HIVEP3: variants seen among roughly 807,000 people sequenced by gnomAD.
The protein encoded by HIVEP3 is transcription factor HIVEP3.
Under a neutral mutation model 152.8 loss-of-function variants are expected in HIVEP3, and 49 were observed. The observed-to-expected ratio is 0.32, with a 90% CI of 0.26 to 0.41. The LOEUF (loss-of-function observed/expected upper bound fraction) is 0.41. Ranked by LOEUF, HIVEP3 falls within the 10% of genes least tolerant of loss-of-function variation. The probability of loss-of-function intolerance (pLI) is 1.00; values close to 1 mark genes in which losing one functional copy is unlikely to be tolerated. For missense variants in HIVEP3, 2,790 were observed against 3,103.3 expected (o/e 0.90, Z 2.40); for synonymous variants, 1,269 against 1,289.0 (o/e 0.98, Z 0.33).
chr1:41,940,731 A>G (rs1434421384), intron 1 of HIVEP3, among the ~76,000 whole-genome samples: 2 of 152,176 alleles, frequency 1.3e-5, no homozygotes, highest in Non-Finnish European at 2.9e-5. Flanking sequence ...CCTCTAAAGA[A>G]AAAAATTGAG....
At chr1:41,613,865 T>A (rs1395296130) in intron 3 of HIVEP3, among the ~76,000 whole-genome samples, 1 of 152,234 alleles carries the variant, frequency 6.6e-6, no homozygotes, top group Non-Finnish European at 1.5e-5. Context: ...TTTCCATCTC[T>A]ATAAATTTGC....
At chr1:41,954,362 G>T (rs1052297345) in intron 1 of HIVEP3, among the ~76,000 whole-genome samples, 3 of 152,226 alleles carry the variant, frequency 2.0e-5, no homozygotes, top group Non-Finnish European at 4.4e-5. Context: ...TTGTTTTGCT[G>T]ATTAGGGAGG....
chr1:41,780,956 C>T (rs1274406311), intron 1 of HIVEP3, among the ~76,000 whole-genome samples: 4 of 152,162 alleles, frequency 2.6e-5, no homozygotes, highest in Non-Finnish European at 4.4e-5. Flanking sequence ...GCAGGAGTAA[C>T]AAAAACAGAG....
intron 1 of HIVEP3, among the ~76,000 whole-genome samples, chr1:41,924,587 A>G (rs535010877): frequency 6.6e-6 from 1 of 152,128 alleles, no homozygotes; most frequent in Non-Finnish European, 1.5e-5. Context: ...GGCAAGTTAT[A>G]TAACCTCCTA....
Position 41,584,012 on chromosome 1 carries a change from C to G in HIVEP3, c.786G>C (p.Gly262=). The G allele has an allele frequency of 6.2e-7, 1 of 1,614,178 alleles. No individual in the cohort carries two copies. The highest frequency in any genetic ancestry group is 8.5e-7 in the Non-Finnish European group (1 of 1,180,024). Residue 262 remains glycine (G), a synonymous_variant, in exon 4 of 9, where the codon GGG becomes GGC. Coordinates refer to ENST00000372583, the MANE Select transcript of HIVEP3 (RefSeq NM_024503.5). The surrounding 1 kb of genome is among the most constrained non-coding windows in gnomAD (Gnocchi z 5.2). ...CCCCAGGGATCCGCTCCATCTCCAG[C>G]CCATGTGGGTACATCTCGCCACCCA... The part of the protein sequence containing the change: ...SGMGGEMYPH[G]LEMERIPGEE...
intron 1 of HIVEP3, among the ~76,000 whole-genome samples, chr1:42,012,215 A>G (rs12064093): frequency 0.014 from 2,165 of 152,302 alleles, 51 homozygotes; most frequent in African/African-American, 0.05. Context: ...GATGTAGTAC[A>G]TTTCTTTAGA....
intron 3 of HIVEP3, among the ~76,000 whole-genome samples, chr1:41,626,400 C>G (rs762808347): frequency 6.6e-6 from 1 of 152,216 alleles, no homozygotes; most frequent in African/African-American, 2.4e-5. Context: ...CTCGCTGGAA[C>G]TGACAGCTCA....
intron 1 of HIVEP3, among the ~76,000 whole-genome samples, chr1:41,735,806 G>A (rs534769975): frequency 3.9e-5 from 6 of 152,234 alleles, no homozygotes; most frequent in East Asian, 3.9e-4. Context: ...GCCGCCTCTC[G>A]ATCTTGGCGC....
intron 1 of HIVEP3, among the ~76,000 whole-genome samples, chr1:41,720,868 A>G (rs1319090022): frequency 1.3e-5 from 2 of 152,242 alleles, no homozygotes; most frequent in Admixed American, 1.3e-4. Flanking sequence ...TTCAGCCTTA[A>G]AAAAGAAGGA....
intron 2 of HIVEP3, among the ~76,000 whole-genome samples, chr1:41,645,800 GC>G (rs369943742): frequency 2.6e-4 from 39 of 152,272 alleles, no homozygotes; most frequent in African/African-American, 9.4e-4. Flanking sequence ...GAGTGAACCT[GC>G]CCTGCAACTG....
Position 41,730,670 on chromosome 1 carries a change from C to T in HIVEP3, c.-800-29675G>A, listed in dbSNP as rs138093207. Among the ~76,000 whole-genome samples the T allele has an allele frequency of 3.9e-5, 6 of 152,358 alleles. No homozygotes were observed. The East Asian group carries it at 7.7e-4, about 20-fold the overall frequency. On this transcript the variant is annotated intron_variant, in intron 1 of 8. Transcript: ENST00000372583. The stretch of plus-strand genomic sequence containing the variant: ...TGCACGTTAATAATGCATGGGCAGC[C>T]GGTGTGGGGGCCATCACAGGCCCAA...
chr1:41,996,155 G>C (rs1212501421), intron 1 of HIVEP3, among the ~76,000 whole-genome samples: 1 of 152,024 alleles, frequency 6.6e-6, no homozygotes, highest in Non-Finnish European at 1.5e-5. Context: ...GCAATCAGGA[G>C]GCTGAGGTGA....
intron 5 of HIVEP3, among the ~76,000 whole-genome samples, chr1:41,563,074 G>A (rs991927322): frequency 4.6e-5 from 7 of 151,484 alleles, no homozygotes; most frequent in African/African-American, 1.2e-4. Context: ...GGGGTCGGGC[G>A]CATGGCTTAT....
rs75002386 is a variant in HIVEP3 at position 42,015,880 on chromosome 1, C to G, written n.119+19927G>C. Among the ~76,000 whole-genome samples, 1,135 of 152,382 alleles carry G rather than the reference C, an allele frequency of 7.4e-3. 14 individuals are homozygous for G. Among genetic ancestry groups the G allele is most frequent in the African/African-American group, 0.026 (1,099 of 41,598 alleles). ...TTCTCCATCATCCTTCAGCTGCCTA[C>G]ATGGCAATGGCTACGTCTGCTTTCC... is the stretch of plus-strand genomic sequence containing the variant. On this transcript the variant is annotated intron_variant and non_coding_transcript_variant, in intron 1 of 3. Transcript: ENST00000489103.
chr1:41,543,457 A>G (rs1480895319), intron 5 of HIVEP3: 1 of 152,210 alleles, frequency 6.6e-6, no homozygotes, highest in Non-Finnish European at 1.5e-5. Flanking sequence ...GTCAGAGATT[A>G]AAGGAGGTGG....
chr1:41,624,127 T>A (rs1645083934), intron 3 of HIVEP3, among the ~76,000 whole-genome samples: 1 of 152,060 alleles, frequency 6.6e-6, no homozygotes, highest in Non-Finnish European at 1.5e-5. Flanking sequence ...CTGACTGCAC[T>A]CTCCACAGCA....
At chr1:41,888,496 AC>A (rs1179939158) in intron 1 of HIVEP3, among the ~76,000 whole-genome samples, 9 of 151,922 alleles carry the variant, frequency 5.9e-5, no homozygotes, top group Non-Finnish European at 1.2e-4. Context: ...GAAGAGAGGG[AC>A]AGCCCAGCTG....
rs1204971609 is a variant in HIVEP3 at position 41,662,715 on chromosome 1, CCCG to C, written c.-720-33771_-720-33769del. On this transcript the variant is annotated intron_variant, in intron 2 of 8. Coordinates refer to ENST00000372583, the MANE Select transcript of HIVEP3 (RefSeq NM_024503.5). This position sits in a 1 kb window ranked among gnomAD's most constrained non-coding sequence, Gnocchi z 7.2. ...TCCGGGCGCCGCCCCTCCCTCCGCGCCCGCCCCGGCTCCGGCGCTGTCTTTTCC... is the reference window on the plus strand; with the variant it reads ...TCCGGGCGCCGCCCCTCCCTCCGCGCCCCCGGCTCCGGCGCTGTCTTTTCC... 2.0e-4 allele frequency among the ~76,000 whole-genome samples: 31 copies of C among 151,834 alleles called. No homozygotes were observed. The highest frequency in any genetic ancestry group is 1.5e-5 in the Non-Finnish European group (1 of 67,844).
chr1:41,792,635 C>T (rs1039533082), intron 1 of HIVEP3, among the ~76,000 whole-genome samples: 1 of 152,208 alleles, frequency 6.6e-6, no homozygotes, highest in Non-Finnish European at 1.5e-5. Flanking sequence ...TGCAAGGAGA[C>T]CAGTGAGCAG....
Sources: gnomAD v4.1 joint callset for allele counts (sites outside exome capture counted in the v4.1 genomes callset) on GRCh38, gnomAD v4.1.1 for gene constraint, Gnocchi (gnomAD v3.1) non-coding constraint, MANE v1.5 for transcripts, NCBI Gene and HGNC (gene_info 2026-07-23, HGNC 2026-07-21) for gene names.